Variants in SEMA5A observed in about 807,000 individuals in gnomAD.
SEMA5A encodes the protein semaphorin 5A.
Under a neutral mutation model 135.5 loss-of-function variants are expected in SEMA5A, and 55 were observed. The observed-to-expected ratio is 0.41, with a 90% CI of 0.33 to 0.51. The LOEUF (loss-of-function observed/expected upper bound fraction) is 0.51, where lower values mean the gene tolerates loss of function less well. Ranked by LOEUF, SEMA5A falls within the 20% of genes least tolerant of loss-of-function variation. The pLI is 0.37. For synonymous variants in SEMA5A, 580 were observed against 546.5 expected, an observed-to-expected ratio of 1.06 and a Z score of -0.85; for missense variants, 1,290 against 1,419.9, an observed-to-expected ratio of 0.91 and a Z score of 1.47.
chr5:9,291,971 ACAGGAAGCCC>A (rs1751107035), intron 5 of SEMA5A, among the ~76,000 whole-genome samples: 1 of 152,094 alleles, frequency 6.6e-6, no homozygotes, highest in East Asian at 1.9e-4. Flanking sequence ...AAGTCTCCAT[ACAGGAAGCCC>A]CATTCCCCTA....
chr5:9,337,927 C>A, intron 3 of SEMA5A, 115 bp from the exon 4 acceptor site: 1 of 666,572 alleles, frequency 1.5e-6, no homozygotes, highest in East Asian at 2.9e-5. Flanking sequence ...ATTCGGAGGT[C>A]CCTCTATGCC....
chr5:9,370,037 G>T (rs1344072358), intron 3 of SEMA5A, among the ~76,000 whole-genome samples: 3 of 152,098 alleles, frequency 2.0e-5, no homozygotes, highest in African/African-American at 7.2e-5. Flanking sequence ...ACTTCCTGGG[G>T]TAACCCTAGT....
intron 2 of SEMA5A, among the ~76,000 whole-genome samples, chr5:9,383,066 C>A (rs115428480): frequency 3.8e-4 from 58 of 152,334 alleles, no homozygotes; most frequent in African/African-American, 1.3e-3. Context: ...GCCCACAATC[C>A]CTGCCCAAGC....
At chr5:9,254,711 G>A (rs3822784) in intron 5 of SEMA5A, among the ~76,000 whole-genome samples, 7,435 of 152,148 alleles carry the variant, frequency 0.049, 320 homozygotes, top group East Asian at 0.2. Context: ...TAGGAGGCAG[G>A]AGGAATGGAG....
chr5:9,147,182 T>C (rs147092826), intron 12 of SEMA5A, among the ~76,000 whole-genome samples: 1 of 152,348 alleles, frequency 6.6e-6, no homozygotes, highest in Non-Finnish European at 1.5e-5. Context: ...ACTAATTTTT[T>C]GATGAGGTGT....
At chr5:9,518,566 A>G (rs1482905112) in intron 1 of SEMA5A, among the ~76,000 whole-genome samples, 1 of 152,228 alleles carries the variant, frequency 6.6e-6, no homozygotes, top group Non-Finnish European at 1.5e-5. Context: ...AAGCAGGAAA[A>G]CTTCACCCAA....
At chr5:9,440,319 A>G (rs755260597) in intron 1 of SEMA5A, among the ~76,000 whole-genome samples, 2 of 152,274 alleles carry the variant, frequency 1.3e-5, no homozygotes, top group Non-Finnish European at 2.9e-5. Context: ...ACAAAGCCCC[A>G]GAGGCTCACT....
chr5:9,502,613 C>A (rs1735653831), intron 1 of SEMA5A, among the ~76,000 whole-genome samples: 1 of 152,102 alleles, frequency 6.6e-6, no homozygotes, highest in Non-Finnish European at 1.5e-5. Context: ...CTAGTCCTGC[C>A]CAAGGAAACA....
chr5:9,244,458 C>G (rs987245790), intron 5 of SEMA5A, among the ~76,000 whole-genome samples: 1 of 152,174 alleles, frequency 6.6e-6, no homozygotes, highest in Non-Finnish European at 1.5e-5. Context: ...CCTCCAGATG[C>G]CCACCTAGAT....
intron 5 of SEMA5A, among the ~76,000 whole-genome samples, chr5:9,278,373 G>A (rs143546587): frequency 6.6e-6 from 1 of 152,272 alleles, no homozygotes; most frequent in South Asian, 2.1e-4. Flanking sequence ...CATGAACAAA[G>A]AGATTATCTG....
At chr5:9,361,676 T>C (rs1754701299) in intron 3 of SEMA5A, among the ~76,000 whole-genome samples, 1 of 152,210 alleles carries the variant, frequency 6.6e-6, no homozygotes, top group Non-Finnish European at 1.5e-5. Context: ...GCTCTGACCA[T>C]ATTGATGCTA....
rs533735110 is a variant in SEMA5A at position 9,035,702 on chromosome 5, A to G, written c.*7195T>C. On this transcript the variant is annotated 3_prime_UTR_variant, in exon 23 of 23. Coordinates refer to ENST00000382496, the MANE Select transcript of SEMA5A (RefSeq NM_003966.3). Reference sequence around the variant, plus strand: ...AACAAGAAGGTTTTGAAGAATATCAATGCTTCAAATGTAAGGATTGAAAGA... The same window carrying G: ...AACAAGAAGGTTTTGAAGAATATCAGTGCTTCAAATGTAAGGATTGAAAGA... The G allele has an allele frequency of 5.9e-5, 9 of 152,286 alleles. No individual in the cohort carries two copies. The South Asian group carries it at 1.7e-3, about 28-fold the overall frequency. The allele number at this position is 152,286 out of a possible 1,614,324, so 9.4% of individuals were successfully genotyped here.
At chr5:9,430,007 C>T (rs938269852) in intron 2 of SEMA5A, among the ~76,000 whole-genome samples, 21 of 152,180 alleles carry the variant, frequency 1.4e-4, no homozygotes, top group Admixed American at 4.6e-4. Flanking sequence ...GACCTGAGAA[C>T]TCACGGGGAC....
At chr5:9,504,858 G>A (rs1479573699) in intron 1 of SEMA5A, among the ~76,000 whole-genome samples, 2 of 152,194 alleles carry the variant, frequency 1.3e-5, no homozygotes, top group Admixed American at 1.3e-4. Context: ...CCAAAGCATC[G>A]GGTTCCTTTT....
intron 5 of SEMA5A, among the ~76,000 whole-genome samples, chr5:9,287,633 G>T (rs1750865407): frequency 6.6e-6 from 1 of 152,068 alleles, no homozygotes; most frequent in Non-Finnish European, 1.5e-5. Context: ...ATAGTCAGCA[G>T]GCCAAATCAG....
intron 8 of SEMA5A, among the ~76,000 whole-genome samples, chr5:9,223,681 T>C (rs576826087): frequency 6.6e-6 from 1 of 152,356 alleles, no homozygotes; most frequent in South Asian, 2.1e-4. Context: ...TTCACTTTTG[T>C]ACAAACTATC....
At chr5:9,164,370 T>C (rs1743490702) in intron 11 of SEMA5A, among the ~76,000 whole-genome samples, 1 of 148,342 alleles carries the variant, frequency 6.7e-6, no homozygotes, top group South Asian at 2.1e-4. Context: ...GATAAACTGT[T>C]AAGCGCAATT....
chr5:9,072,916 G>A (rs953314296), intron 16 of SEMA5A, among the ~76,000 whole-genome samples: 1 of 152,090 alleles, frequency 6.6e-6, no homozygotes, highest in Admixed American at 6.6e-5. Flanking sequence ...ATGCAGATAT[G>A]ACACAGATGA....
chr5:9,096,725 T>TAAAG (rs1273788671), intron 16 of SEMA5A, among the ~76,000 whole-genome samples: 1 of 152,064 alleles, frequency 6.6e-6, no homozygotes, highest in African/African-American at 2.4e-5. Flanking sequence ...CCAAGGTATA[T>TAAAG]AAAGAACTCA....
Sources: gnomAD v4.1 joint callset for allele counts (sites outside exome capture counted in the v4.1 genomes callset) on GRCh38, gnomAD v4.1.1 for gene constraint, MANE v1.5 for transcripts, NCBI Gene and HGNC (gene_info 2026-07-23, HGNC 2026-07-21) for gene names.